PAX5: variants seen among roughly 807,000 people sequenced by gnomAD.
The protein encoded by PAX5 is paired box 5, also known as paired box protein Pax-5.
A neutral mutation model predicts 43.7 loss-of-function variants in PAX5; 9 were observed. That is an observed-to-expected ratio of 0.21 (90% CI 0.12 to 0.36). The LOEUF (loss-of-function observed/expected upper bound fraction) is 0.36. Among genes scored for constraint, PAX5 ranks in the 10% least tolerant of loss-of-function variants. PAX5 has a pLI of 1.00. For missense variants in PAX5, 383 were observed against 532.7 expected (o/e 0.72, Z 2.77); for synonymous variants, 228 against 214.3 (o/e 1.06, Z -0.56).
At chr9:36,966,466 C>A in intron 6 of PAX5, 83 bp downstream of exon 6, 1 of 1,479,738 alleles carries the variant, frequency 6.8e-7, no homozygotes, top group East Asian at 2.3e-5. Flanking sequence ...CACCCACACC[C>A]CGCCAGATGC....
At chr9:36,842,649 C>A (rs1428798975) in intron 9 of PAX5, among the ~76,000 whole-genome samples, 1 of 152,204 alleles carries the variant, frequency 6.6e-6, no homozygotes, top group African/African-American at 2.4e-5. Flanking sequence ...CTCTCTAATT[C>A]ACATTATGGT....
At chr9:36,970,489 G>A (rs1834843306) in intron 5 of PAX5, among the ~76,000 whole-genome samples, 1 of 152,132 alleles carries the variant, frequency 6.6e-6, no homozygotes, top group Admixed American at 6.5e-5. Context: ...GGAAGGGCTG[G>A]GGAAACATGT....
rs960595256 is a variant in PAX5, at chr9:36,944,402, G to A, written c.781-20918C>T. Among the ~76,000 whole-genome samples the A allele has an allele frequency of 5.3e-5, 8 of 152,150 alleles. 1 individual carries two copies. The South Asian group carries it at 1.7e-3, about 32-fold the overall frequency. On this transcript the variant is annotated intron_variant, in intron 6 of 9. Transcript: ENST00000358127. Reference sequence around the variant, plus strand: ...CGAATCGTGCAGCTGGTAGGTGATGGAGCCAGGACGGCACCCAGACAGCCT... The same window carrying A: ...CGAATCGTGCAGCTGGTAGGTGATGAAGCCAGGACGGCACCCAGACAGCCT...
At chr9:36,959,733 C>T (rs1028266963) in intron 6 of PAX5, among the ~76,000 whole-genome samples, 3 of 152,272 alleles carry the variant, frequency 2.0e-5, no homozygotes, top group Admixed American at 6.5e-5. Flanking sequence ...CAGGTTGCAT[C>T]TCCAGGAAAC....
chr9:36,978,316 C>T (rs1835625453), intron 5 of PAX5, among the ~76,000 whole-genome samples: 1 of 152,204 alleles, frequency 6.6e-6, no homozygotes, highest in Non-Finnish European at 1.5e-5. Context: ...TGAAAATATT[C>T]TGAAGCAAAT....
At chr9:36,911,835 C>G (rs541187509) in intron 7 of PAX5, among the ~76,000 whole-genome samples, 80 of 152,340 alleles carry the variant, frequency 5.3e-4, no homozygotes, top group African/African-American at 1.8e-3. Context: ...CCCAAAGCCA[C>G]TCAGCCCAGC....
At chr9:36,858,504 C>A (rs768883959) in intron 8 of PAX5, among the ~76,000 whole-genome samples, 2 of 152,170 alleles carry the variant, frequency 1.3e-5, no homozygotes, top group African/African-American at 4.8e-5. Context: ...TTCCTCCCCC[C>A]AGTTTCTGCC....
intron 5 of PAX5, among the ~76,000 whole-genome samples, chr9:36,999,718 C>T (rs1837690482): frequency 6.6e-6 from 1 of 152,210 alleles, no homozygotes; most frequent in African/African-American, 2.4e-5. Context: ...AGGCCAGAAC[C>T]CTCACAAATC....
intron 3 of PAX5, 152 bp from the exon 4 acceptor site, chr9:37,006,689 C>T: frequency 3.0e-6 from 2 of 664,544 alleles, no homozygotes; most frequent in African/African-American, 3.6e-5. Context: ...AGATTATAAA[C>T]CCAGGCTGGA....
At position 36,835,311 on chromosome 9, in the gene PAX5, G is replaced by A. The variant is rs1821562705; in HGVS notation, c.*5249C>T. 2 of 232,920 alleles carry A rather than the reference G, an allele frequency of 8.6e-6. No individual in the cohort carries two copies. The highest frequency in any genetic ancestry group is 4.4e-5 in the African/African-American group (2 of 45,328). The allele number at this position is 232,920 out of a possible 1,614,324, so 14.4% of individuals were successfully genotyped here. ...CCCAGGAACGGAGCCTCAGTGCTGA[G>A]GAATTACCAGAAAAGGAAAGACAGG... On this transcript the variant is annotated 3_prime_UTR_variant, in exon 10 of 10. Coordinates refer to ENST00000358127, the MANE Select transcript of PAX5 (RefSeq NM_016734.3).
rs1821668982 is a variant in PAX5, at chr9:36,836,710, T to C, written c.*3850A>G. ...TTTCCAGGGGCTGTGGACACCCTGGTGGCCCTGGCTTGGGCACTCCTGCAT... is the reference window on the plus strand; with the variant it reads ...TTTCCAGGGGCTGTGGACACCCTGGCGGCCCTGGCTTGGGCACTCCTGCAT... On this transcript the variant is annotated 3_prime_UTR_variant, in exon 10 of 10. Coordinates refer to ENST00000358127, the MANE Select transcript of PAX5 (RefSeq NM_016734.3). The C allele has an allele frequency of 4.3e-6, 1 of 231,710 alleles. No homozygotes were observed. Among genetic ancestry groups the C allele is most frequent in the Non-Finnish European group, 8.5e-6 (1 of 117,196 alleles). The allele number at this position is 231,710 out of a possible 1,614,324, so 14.4% of individuals were successfully genotyped here.
At chr9:37,014,645 G>A (rs4878673) in intron 3 of PAX5, among the ~76,000 whole-genome samples, 81,530 of 152,048 alleles carry the variant, frequency 0.54, 22,494 homozygotes, top group Middle Eastern at 0.78. Context: ...AGGTTTGCAG[G>A]GACAGCGACA....
intron 3 of PAX5, among the ~76,000 whole-genome samples, chr9:37,009,942 A>G (rs1262479397): frequency 6.6e-6 from 1 of 152,206 alleles, no homozygotes; most frequent in Admixed American, 6.5e-5. Context: ...TCCTTTATAA[A>G]GGGGGATCTC....
chr9:37,001,410 C>A (rs1195421082), intron 5 of PAX5, among the ~76,000 whole-genome samples: 1 of 152,188 alleles, frequency 6.6e-6, no homozygotes, highest in Non-Finnish European at 1.5e-5. Flanking sequence ...ATACCATCAA[C>A]CTCATAAAAC....
At chr9:36,884,513 A>G (rs1053802162) in intron 7 of PAX5, among the ~76,000 whole-genome samples, 1 of 152,246 alleles carries the variant, frequency 6.6e-6, no homozygotes, top group Non-Finnish European at 1.5e-5. Context: ...CTAAATCTAA[A>G]GTTAATACCT....
chr9:36,988,334 A>G (rs939480341), intron 5 of PAX5, among the ~76,000 whole-genome samples: 1 of 152,148 alleles, frequency 6.6e-6, no homozygotes, highest in Non-Finnish European at 1.5e-5. Context: ...TTCTGACCCT[A>G]AGCTGAACAA....
At chr9:36,845,316 C>A (rs971360708) in intron 9 of PAX5, among the ~76,000 whole-genome samples, 2 of 152,230 alleles carry the variant, frequency 1.3e-5, no homozygotes, top group Non-Finnish European at 1.5e-5. Context: ...CTGGAAGACA[C>A]TGGTTCAGGG....
At position 37,015,327 on chromosome 9, in the gene PAX5, C is replaced by A; in HGVS notation, c.213-133G>T. ...CAATACAGTAGCCACCAGCCAGATGCGGCTTTTGAACATTTGAAATATGGC... is the reference window on the plus strand; with the variant it reads ...CAATACAGTAGCCACCAGCCAGATGAGGCTTTTGAACATTTGAAATATGGC... On this transcript the variant is annotated intron_variant, in intron 2 of 9. Coordinates refer to ENST00000358127, the MANE Select transcript of PAX5 (RefSeq NM_016734.3). The surrounding 1 kb of genome is among the most constrained non-coding windows in gnomAD (Gnocchi z 4.4). 1.4e-6 allele frequency: 1 copy of A among 696,544 alleles called. No individual in the cohort carries two copies. Among genetic ancestry groups the A allele is most frequent in the Non-Finnish European group, 2.4e-6 (1 of 408,368 alleles). The allele number at this position is 696,544 out of a possible 1,614,324, so 43.1% of individuals were successfully genotyped here.
At chr9:37,012,584 G>A (rs1839035432) in intron 3 of PAX5, among the ~76,000 whole-genome samples, 1 of 152,174 alleles carries the variant, frequency 6.6e-6, no homozygotes, top group South Asian at 2.1e-4. Flanking sequence ...AACATCAGCG[G>A]GCCCGTGATC....
Sources: allele counts gnomAD v4.1 joint callset (sites outside exome capture counted in the v4.1 genomes callset), GRCh38; gene constraint gnomAD v4.1.1; non-coding constraint Gnocchi (gnomAD v3.1); transcripts MANE v1.5; gene names NCBI Gene and HGNC (gene_info 2026-07-23, HGNC 2026-07-21).